Variants in WDR89 observed in about 807,000 individuals in gnomAD.
WDR89 encodes the protein WD repeat domain 89.
In WDR89, 17 loss-of-function variants were observed where a neutral mutation model predicts 29.1. That is an observed-to-expected ratio of 0.58 (90% CI 0.40 to 0.88). The LOEUF (loss-of-function observed/expected upper bound fraction) is 0.88, where lower values mean the gene tolerates loss of function less well. Among genes scored for constraint, WDR89 ranks in the 40% least tolerant of loss-of-function variants. The pLI, the probability that WDR89 is intolerant of heterozygous loss-of-function variation, is 0.00. For missense variants in WDR89, 396 were observed against 456.3 expected (o/e 0.87, Z 1.20); for synonymous variants, 138 against 157.8 (o/e 0.87, Z 0.94).
At chr14:63,603,657 G>T (rs893667373) in intron 2 of WDR89, among the ~76,000 whole-genome samples, 2 of 152,164 alleles carry the variant, frequency 1.3e-5, no homozygotes, top group African/African-American at 2.4e-5. Flanking sequence ...TGCTCAAAGT[G>T]TCTGGACTTG....
intron 2 of WDR89, among the ~76,000 whole-genome samples, chr14:63,624,490 C>A (rs1188522298): frequency 1.3e-4 from 18 of 137,802 alleles, no homozygotes; most frequent in South Asian, 2.3e-4. Flanking sequence ...CACAACAAAA[C>A]AAAAAACAAA....
intron 1 of WDR89, among the ~76,000 whole-genome samples, chr14:63,640,719 G>A (rs1884056902): frequency 6.6e-6 from 1 of 150,406 alleles, no homozygotes; most frequent in Admixed American, 6.6e-5. Context: ...CTCGTGATCC[G>A]CCCGCCTCGG....
intron 2 of WDR89, among the ~76,000 whole-genome samples, chr14:63,616,235 G>T (rs1482802858): frequency 6.6e-6 from 1 of 152,086 alleles, no homozygotes; most frequent in African/African-American, 2.4e-5. Flanking sequence ...CTGCACTCCC[G>T]CCTGGGTGAC....
intron 2 of WDR89, among the ~76,000 whole-genome samples, chr14:63,621,530 G>A (rs1188103037): frequency 3.3e-5 from 5 of 152,134 alleles, no homozygotes; most frequent in African/African-American, 1.2e-4. Context: ...CCCAGGAGGT[G>A]TAGGTTGCAG....
At chr14:63,622,377 C>T (rs369662556) in intron 2 of WDR89, among the ~76,000 whole-genome samples, 11 of 151,742 alleles carry the variant, frequency 7.2e-5, no homozygotes, top group Non-Finnish European at 1.0e-4. Flanking sequence ...GTCAGGAGTT[C>T]GAGACCAGCC....
chr14:63,618,062 A>G (rs2139531229), intron 2 of WDR89: 1 of 152,322 alleles, frequency 6.6e-6, no homozygotes, highest in South Asian at 2.1e-4. Context: ...TCTGCAGCAT[A>G]TATACTAAAA....
At chr14:63,627,148 ACACTCTCTCT>A (rs1327131051) in intron 1 of WDR89, among the ~76,000 whole-genome samples, 23 of 128,398 alleles carry the variant, frequency 1.8e-4, no homozygotes, top group African/African-American at 6.4e-4. Context: ...ACACACACAC[ACACTCTCTCT>A]CTCTCTCTCT....
intron 2 of WDR89, among the ~76,000 whole-genome samples, chr14:63,612,117 G>A (rs1882026459): frequency 6.6e-6 from 1 of 152,014 alleles, no homozygotes; most frequent in Non-Finnish European, 1.5e-5. Flanking sequence ...TCCCAATGCT[G>A]AAAAGCCCTT....
intron 1 of WDR89, among the ~76,000 whole-genome samples, chr14:63,639,411 C>T (rs1177426323): frequency 6.6e-6 from 1 of 150,584 alleles, no homozygotes; most frequent in Non-Finnish European, 1.5e-5. Flanking sequence ...CATCTGCACT[C>T]CCCTTTCTTA....
At chr14:63,601,589 A>C (rs917173292) in intron 2 of WDR89, 78 of 1,610,956 alleles carry the variant, frequency 4.8e-5, no homozygotes, top group Non-Finnish European at 5.7e-5. Context: ...CTGTAACCAA[A>C]GGAGGCATTA....
Position 63,599,851 on chromosome 14 carries a change from GTGTC to G in WDR89, c.88_91del (p.Asp30HisfsTer30). On this transcript the variant is annotated frameshift_variant, in exon 3 of 3. Transcript: ENST00000620954. LOFTEE classifies it high-confidence loss of function. ...CTTTCCTGCTTGGACAGTCTTTGAT[GTGTC>G]TATACCAAGAAGGTAAGTGGGCTCT... 1 of 1,614,106 alleles carries G rather than the reference GTGTC, an allele frequency of 6.2e-7. No individual in the cohort carries two copies. The highest frequency in any genetic ancestry group is 1.3e-5 in the African/African-American group (1 of 75,048).
intron 2 of WDR89, among the ~76,000 whole-genome samples, chr14:63,618,858 G>A (rs565120461): frequency 1.3e-5 from 2 of 152,174 alleles, no homozygotes; most frequent in South Asian, 2.1e-4. Flanking sequence ...GAATCTTAAC[G>A]GCATCAGACT....
chr14:63,627,140 ACACACACACACTCTCTCT>A (rs1166663905), intron 1 of WDR89, among the ~76,000 whole-genome samples: 1 of 129,180 alleles, frequency 7.7e-6, no homozygotes, highest in Non-Finnish European at 1.6e-5. Flanking sequence ...ACACACACAC[ACACACACACACTCTCTCT>A]CTCTCTCTCT....
intron 1 of WDR89, among the ~76,000 whole-genome samples, chr14:63,626,676 C>CAAAAAAAAAAAAAA (rs35582220): frequency 2.9e-5 from 1 of 34,588 alleles, no homozygotes; most frequent in Non-Finnish European, 6.0e-5. Flanking sequence ...GAGACTGTCT[C>CAAAAAAAAAAAAAA]AAAAAAAAAA....
intron 1 of WDR89, among the ~76,000 whole-genome samples, chr14:63,625,587 G>C (rs1363395221): frequency 6.6e-6 from 1 of 152,142 alleles, no homozygotes; most frequent in Non-Finnish European, 1.5e-5. Flanking sequence ...AAATTAGAAT[G>C]GTGGTTATCT....
At chr14:63,602,992 G>A (rs1014632857) in intron 2 of WDR89, among the ~76,000 whole-genome samples, 3 of 152,030 alleles carry the variant, frequency 2.0e-5, no homozygotes, top group Non-Finnish European at 2.9e-5. Context: ...TCCTGACCTC[G>A]TGATCCGCCT....
rs1431609576 is a variant in WDR89, at chr14:63,597,807, C to G, written c.*972G>C. 6.6e-6 allele frequency: 1 copy of G among 152,268 alleles called. No individual in the cohort carries two copies. Among genetic ancestry groups the G allele is most frequent in the Non-Finnish European group, 1.5e-5 (1 of 68,080 alleles). 9.4% of individuals were successfully genotyped at this position (152,268 alleles called of 1,614,324 possible). A position where few individuals can be genotyped will look rare whatever the true frequency, so the allele number is the denominator to read the frequency against. The stretch of plus-strand genomic sequence containing the variant: ...ACCATCACGTTTTTGTTTCTTCCCC[C>G]TCATTTCCCCGCCCCTACCAGATCT... On this transcript the variant is annotated 3_prime_UTR_variant, in exon 3 of 3. Transcript: ENST00000620954.
At chr14:63,600,551 T>C (rs560968667) in intron 2 of WDR89, among the ~76,000 whole-genome samples, 165 of 151,142 alleles carry the variant, frequency 1.1e-3, no homozygotes, top group Non-Finnish European at 1.9e-3. Flanking sequence ...AGTAAGAGAA[T>C]AAAAAACATG....
rs936922519 is a variant in WDR89 at position 63,604,412 on chromosome 14, C to CA, written c.-31-4440dup. On this transcript the variant is annotated intron_variant, in intron 2 of 2. Transcript: ENST00000620954. Reference sequence around the variant, plus strand: ...AGGACAACAGGGCAAGACCCTGTCTCAAAAAAAAACTGACACAAAATTTAA... The same window carrying CA: ...AGGACAACAGGGCAAGACCCTGTCTCAAAAAAAAAACTGACACAAAATTTAA... Among the ~76,000 whole-genome samples the CA allele has an allele frequency of 1.0e-4, 15 of 149,910 alleles. 1 individual carries two copies. The highest frequency in any genetic ancestry group is 2.0e-4 in the East Asian group (1 of 5,110).
Sources: gnomAD v4.1 joint callset for allele counts (sites outside exome capture counted in the v4.1 genomes callset) on GRCh38, gnomAD v4.1.1 for gene constraint, MANE v1.5 for transcripts, NCBI Gene and HGNC (gene_info 2026-07-23, HGNC 2026-07-21) for gene names.